Variants in COL21A1 observed in about 807,000 individuals in gnomAD.
COL21A1 encodes collagen type XXI alpha 1 chain, also known as collagen alpha-1(XXI) chain.
A neutral mutation model predicts 137.9 loss-of-function variants in COL21A1; 149 were observed. The observed-to-expected ratio is 1.08, with a 90% CI of 0.95 to 1.24. The LOEUF (loss-of-function observed/expected upper bound fraction) is 1.24, where lower values mean the gene tolerates loss of function less well. Ranked by LOEUF, COL21A1 falls within the 50% of genes most tolerant of loss-of-function variation. The pLI is 0.00. For missense variants in COL21A1, 1,167 were observed against 1,158.4 expected, an observed-to-expected ratio of 1.01 and a Z score of -0.11; for synonymous variants, 456 against 391.5, an observed-to-expected ratio of 1.16 and a Z score of -1.95.
chr6:56,254,682 G>C (rs1782927098), intron 1 of COL21A1, among the ~76,000 whole-genome samples: 1 of 152,122 alleles, frequency 6.6e-6, no homozygotes, highest in South Asian at 2.1e-4. Context: ...TATTTGGTGT[G>C]TTTTTCTAAA....
chr6:56,236,368 A>C (rs1026551883), intron 1 of COL21A1, among the ~76,000 whole-genome samples: 1 of 152,186 alleles, frequency 6.6e-6, no homozygotes. Context: ...TAAAATAGAA[A>C]GTTTCCCATC....
intron 1 of COL21A1, among the ~76,000 whole-genome samples, chr6:56,304,158 A>G (rs2152337991): frequency 6.6e-6 from 1 of 152,308 alleles, no homozygotes; most frequent in Admixed American, 6.5e-5. Flanking sequence ...GGATTTTTGC[A>G]TCGATGTTCA....
At chr6:56,195,556 G>A (rs1408057457) in intron 1 of COL21A1, among the ~76,000 whole-genome samples, 1 of 151,896 alleles carries the variant, frequency 6.6e-6, no homozygotes. Context: ...TAATTAAAGA[G>A]GAGCCATTAT....
chr6:56,336,306 T>C (rs1025647235), intron 1 of COL21A1, among the ~76,000 whole-genome samples: 2 of 152,232 alleles, frequency 1.3e-5, no homozygotes, highest in Admixed American at 1.3e-4. Context: ...TTCTAATTCC[T>C]ATATAATTTA....
intron 7 of COL21A1, chr6:56,166,644 T>C: frequency 1.9e-6 from 1 of 516,836 alleles, no homozygotes; most frequent in African/African-American, 1.9e-5. Flanking sequence ...AGAGTGAGAC[T>C]CCAAATCAAA....
chr6:56,304,280 T>C (rs928609336), intron 1 of COL21A1, among the ~76,000 whole-genome samples: 58 of 152,102 alleles, frequency 3.8e-4, no homozygotes, highest in Non-Finnish European at 6.9e-4. Context: ...TCTTTTTCTA[T>C]TGATTGGAAT....
At chr6:56,313,606 C>A (rs899377868) in intron 1 of COL21A1, among the ~76,000 whole-genome samples, 2 of 152,148 alleles carry the variant, frequency 1.3e-5, no homozygotes, top group African/African-American at 4.8e-5. Flanking sequence ...GGACTCCACC[C>A]TTATGACCTC....
At chr6:56,325,932 A>ATAATATATATC (rs1765069105) in intron 1 of COL21A1, among the ~76,000 whole-genome samples, 1 of 56,432 alleles carries the variant, frequency 1.8e-5, no homozygotes, top group Non-Finnish European at 2.8e-5. Context: ...TAATATATAT[A>ATAATATATATC]ATATATATTA....
intron 16 of COL21A1, among the ~76,000 whole-genome samples, chr6:56,109,449 T>C (rs1209737790): frequency 6.6e-6 from 1 of 151,792 alleles, no homozygotes; most frequent in Non-Finnish European, 1.5e-5. Flanking sequence ...TTGAAAAATA[T>C]AGATGAAATA....
chr6:56,201,572 C>A (rs1018530975), intron 1 of COL21A1, among the ~76,000 whole-genome samples: 4 of 152,070 alleles, frequency 2.6e-5, no homozygotes, highest in Non-Finnish European at 5.9e-5. Flanking sequence ...ATCCTTTCCC[C>A]ATTTCTTGTT....
intron 1 of COL21A1, among the ~76,000 whole-genome samples, chr6:56,284,524 C>T (rs750435534): frequency 3.3e-5 from 5 of 152,128 alleles, no homozygotes; most frequent in Non-Finnish European, 5.9e-5. Context: ...CTGACTATGG[C>T]TTTTCATCTC....
Position 56,057,560 on chromosome 6 carries a change from AGTT to A in COL21A1, c.*94_*96del. 8.8e-7 allele frequency: 1 copy of A among 1,136,340 alleles called. No individual in the cohort carries two copies. The highest frequency in any genetic ancestry group is 2.3e-5 in the Admixed American group (1 of 43,228). 70.4% of individuals were successfully genotyped at this position (1,136,340 alleles called of 1,614,324 possible). ...AAAAATAAAAACACCGAGGTACTTA[AGTT>A]TCTTTTCAAGGGATTACTGTTGGTT... On this transcript the variant is annotated 3_prime_UTR_variant, in exon 30 of 30. Transcript: ENST00000244728.
intron 16 of COL21A1, among the ~76,000 whole-genome samples, chr6:56,121,715 G>A (rs911467815): frequency 6.6e-6 from 1 of 151,694 alleles, no homozygotes; most frequent in African/African-American, 2.4e-5. Context: ...GTTGATCATG[G>A]GAGAGCCTGT....
intron 1 of COL21A1, among the ~76,000 whole-genome samples, chr6:56,297,524 T>G (rs934249576): frequency 7.9e-5 from 12 of 152,116 alleles, no homozygotes; most frequent in African/African-American, 2.4e-4. Context: ...CAATTCCAAG[T>G]GTGTAAAGGG....
At chr6:56,138,031 G>A (rs772056845) in intron 12 of COL21A1, among the ~76,000 whole-genome samples, 1 of 152,062 alleles carries the variant, frequency 6.6e-6, no homozygotes, top group Non-Finnish European at 1.5e-5. Context: ...AATCCTCTGA[G>A]GAAAGGATTT....
At chr6:56,146,085 T>C (rs1025167055) in intron 10 of COL21A1, among the ~76,000 whole-genome samples, 1 of 152,150 alleles carries the variant, frequency 6.6e-6, no homozygotes, top group African/African-American at 2.4e-5. Flanking sequence ...CCAATCTAAA[T>C]ATACACATTT....
At chr6:56,239,610 T>C (rs868235870) in intron 1 of COL21A1, among the ~76,000 whole-genome samples, 1 of 152,186 alleles carries the variant, frequency 6.6e-6, no homozygotes, top group Non-Finnish European at 1.5e-5. Flanking sequence ...AAATTTTTTA[T>C]ATAATTTCCA....
At chr6:56,329,793 G>A (rs569127726) in intron 1 of COL21A1, among the ~76,000 whole-genome samples, 25 of 152,032 alleles carry the variant, frequency 1.6e-4, no homozygotes, top group Non-Finnish European at 3.4e-4. Context: ...TTTAATAAAG[G>A]CTTCATATAT....
At chr6:56,283,909 C>T (rs1274016918) in intron 1 of COL21A1, among the ~76,000 whole-genome samples, 1 of 151,666 alleles carries the variant, frequency 6.6e-6, no homozygotes, top group Admixed American at 6.6e-5. Context: ...CTCTCTCCAG[C>T]AGTAGAGCAA....
Sources: allele counts gnomAD v4.1 joint callset (sites outside exome capture counted in the v4.1 genomes callset), GRCh38; gene constraint gnomAD v4.1.1; transcripts MANE v1.5; gene names NCBI Gene and HGNC (gene_info 2026-07-23, HGNC 2026-07-21).